Variants in TSPAN10 observed in about 807,000 individuals in gnomAD.
TSPAN10 encodes the protein tetraspanin 10.
In TSPAN10, 11 loss-of-function variants were observed where a neutral mutation model predicts 15.0. The ratio of observed to expected loss-of-function variants is 0.73; its 90% CI spans 0.46 to 1.21. The LOEUF (loss-of-function observed/expected upper bound fraction) is 1.21. Ranked by LOEUF, TSPAN10 falls within the 50% of genes most tolerant of loss-of-function variation. The probability of loss-of-function intolerance (pLI) is 0.00; values close to 1 mark genes in which losing one functional copy is unlikely to be tolerated. For missense variants in TSPAN10, 486 were observed against 470.6 expected (o/e 1.03, Z -0.30); for synonymous variants, 241 against 226.2 (o/e 1.07, Z -0.59).
rs558108012 is a variant in TSPAN10, at chr17:81,647,643, C to T, written c.675-258C>T. On this transcript the variant is annotated intron_variant, in intron 2 of 2. Coordinates refer to ENST00000611590, the Ensembl canonical transcript of TSPAN10. ...CCCTTCAACCGTCTCACTAAATATC[C>T]TCCTGCTAGTCAACACAGCCACCAC... The T allele has an allele frequency of 2.3e-5, 15 of 655,366 alleles. No individual in the cohort carries two copies. In the South Asian group the frequency reaches 2.3e-4, roughly 10 times the overall value. The allele number at this position is 655,366 out of a possible 1,614,324, so 40.6% of individuals were successfully genotyped here.
upstream of TSPAN10, chr17:81,642,375 G>T (rs777234891): frequency 1.9e-6 from 3 of 1,613,260 alleles, no homozygotes; most frequent in Non-Finnish European, 2.5e-6. Context: ...AACCTCTCCC[G>T]GCGCCTGTGC....
At chr17:81,648,546 T>A, downstream of TSPAN10, 1 of 300,512 alleles carries the variant, frequency 3.3e-6, no homozygotes, top group Non-Finnish European at 6.0e-6. Flanking sequence ...ATCCTGAAGC[T>A]GACCCTCACC....
At chr17:81,646,145 AC>A (rs1476814861) in intron 2 of TSPAN10, 3 of 190,840 alleles carry the variant, frequency 1.6e-5, no homozygotes, top group Admixed American at 1.3e-4. Flanking sequence ...TAATCCCAGC[AC>A]TTTGGGAGGC....
intron 2 of TSPAN10, chr17:81,647,651 A>G (rs2036272640): frequency 6.1e-6 from 4 of 651,364 alleles, no homozygotes; most frequent in Admixed American, 2.2e-5. Context: ...TCCTCCTGCT[A>G]GTCAACACAG....
upstream of TSPAN10, among the ~76,000 whole-genome samples, chr17:81,639,852 T>C (rs1474543002): frequency 4.0e-5 from 6 of 150,828 alleles, no homozygotes; most frequent in East Asian, 5.9e-4. Context: ...TGGTGGCGGG[T>C]GCCTGTAGTC....
At chr17:81,643,912 C>T (rs12942451) in intron 1 of TSPAN10, among the ~76,000 whole-genome samples, 76,206 of 151,416 alleles carry the variant, frequency 0.5, 21,120 homozygotes, top group East Asian at 0.99. Context: ...CTGCCTCCTG[C>T]TCATGCAACC....
chr17:81,647,665 C>T lies in TSPAN10; in HGVS notation c.675-236C>T, dbSNP rs983132606. On this transcript the variant is annotated intron_variant, in intron 2 of 2. Transcript: ENST00000611590. ...ATCCTCCTGCTAGTCAACACAGCCA[C>T]CACCCCTACCTGCAAGCGCAGAGGA... The T allele has an allele frequency of 1.7e-5, 11 of 646,910 alleles. No homozygotes were observed. In the African/African-American group the frequency reaches 1.8e-4, roughly 11 times the overall value. The allele number at this position is 646,910 out of a possible 1,614,324, so 40.1% of individuals were successfully genotyped here.
chr17:81,645,469 G>A (rs202051691), exon 2 of TSPAN10: 29 of 1,584,490 alleles, frequency 1.8e-5, no homozygotes, highest in Non-Finnish European at 2.3e-5. Context: ...GGCCCTGGTG[G>A]TGGCCCTCTG....
exon 2 of TSPAN10, chr17:81,645,352 G>C: frequency 6.3e-7 from 1 of 1,587,516 alleles, no homozygotes; most frequent in Non-Finnish European, 8.6e-7. Context: ...GGTGGTCAGC[G>C]CAGTGAGCCT....
At chr17:81,642,513 A>G (rs2036188298) in intron 1 of TSPAN10, 65 bp downstream of exon 2, 7 of 1,529,496 alleles carry the variant, frequency 4.6e-6, no homozygotes, top group Middle Eastern at 1.8e-4. Flanking sequence ...GTCCTAAGGG[A>G]AGTCCCTGGG....
exon 3 of TSPAN10, chr17:81,648,018 C>A (rs1203131909): frequency 6.2e-7 from 1 of 1,608,114 alleles, no homozygotes; most frequent in Non-Finnish European, 8.5e-7. Flanking sequence ...GGGTCCTGCG[C>A]CTGGATGCGG....
chr17:81,647,686 G>A (rs1390201081), intron 2 of TSPAN10: 2 of 645,916 alleles, frequency 3.1e-6, no homozygotes, highest in African/African-American at 3.6e-5. Context: ...TGCAAGCGCA[G>A]AGGACTGCCG....
At chr17:81,645,357 G>C in exon 2 of TSPAN10, 1 of 1,591,568 alleles carries the variant, frequency 6.3e-7, no homozygotes. Context: ...TCAGCGCAGT[G>C]AGCCTGGCTG....
exon 2 of TSPAN10, chr17:81,645,559 C>T: frequency 1.2e-6 from 2 of 1,611,572 alleles, no homozygotes; most frequent in South Asian, 2.2e-5. Context: ...CCTGCGCTTC[C>T]TCCTCGACCA....
chr17:81,644,212 G>A (rs2036212352), intron 1 of TSPAN10, among the ~76,000 whole-genome samples: 1 of 152,006 alleles, frequency 6.6e-6, no homozygotes, highest in African/African-American at 2.4e-5. Flanking sequence ...GCACCTGCGG[G>A]GCTGCCTCTT....
chr17:81,648,103 G>A (rs768722444), exon 3 of TSPAN10: 6 of 1,573,240 alleles, frequency 3.8e-6, no homozygotes, highest in Admixed American at 3.7e-5. Context: ...GAACCTGGCT[G>A]CCTCGGGCGG....
At chr17:81,638,813 G>A (rs574265069), upstream of TSPAN10, 7 of 152,260 alleles carry the variant, frequency 4.6e-5, no homozygotes, top group South Asian at 2.1e-4. Context: ...TATCTCAAGC[G>A]CTGATCTGTT....
chr17:81,642,539 C>G, intron 1 of TSPAN10, 91 bp downstream of exon 2: 1 of 1,327,366 alleles, frequency 7.5e-7, no homozygotes, highest in Non-Finnish European at 1.0e-6. Context: ...TTCACACCCA[C>G]CCCTGCCCCT....
At chr17:81,642,473 C>A in intron 1 of TSPAN10, 25 bp downstream of exon 2, 1 of 1,596,944 alleles carries the variant, frequency 6.3e-7, no homozygotes, top group Non-Finnish European at 8.5e-7. Flanking sequence ...GTGGCCTTGC[C>A]CTGAGGTTGG....
Sources: gnomAD v4.1 joint callset for allele counts (sites outside exome capture counted in the v4.1 genomes callset) on GRCh38, gnomAD v4.1.1 for gene constraint, MANE v1.5 for transcripts, NCBI Gene and HGNC (gene_info 2026-07-23, HGNC 2026-07-21) for gene names.